The following TC2N variants were observed in gnomAD, a reference collection of about 807,000 sequenced individuals.
The protein encoded by TC2N is tandem C2 domains nuclear protein.
A neutral mutation model predicts 61.9 loss-of-function variants in TC2N; 51 were observed. The observed-to-expected ratio is 0.82, with a 90% CI of 0.66 to 1.04. The LOEUF (loss-of-function observed/expected upper bound fraction) is 1.04, where lower values mean the gene tolerates loss of function less well. Among genes scored for constraint, TC2N ranks in the 50% least tolerant of loss-of-function variants. The probability of loss-of-function intolerance (pLI) is 0.00; values close to 1 mark genes in which losing one functional copy is unlikely to be tolerated. For missense variants in TC2N, 556 were observed against 566.7 expected (o/e 0.98, Z 0.19); for synonymous variants, 204 against 192.6 (o/e 1.06, Z -0.49).
At chr14:91,802,753 A>C (rs996796334) in intron 3 of TC2N, among the ~76,000 whole-genome samples, 1 of 148,796 alleles carries the variant, frequency 6.7e-6, no homozygotes, top group Non-Finnish European at 1.5e-5. Flanking sequence ...TTGGGGGGGG[A>C]GATACATCCT....
chr14:91,815,478 C>T (rs1448588960), intron 1 of TC2N, among the ~76,000 whole-genome samples: 3 of 151,630 alleles, frequency 2.0e-5, no homozygotes, highest in African/African-American at 7.2e-5. Context: ...TTTACATTTA[C>T]CAGGAAATTA....
At chr14:91,788,344 GACT>G (rs1885466021) in intron 9 of TC2N, among the ~76,000 whole-genome samples, 1 of 152,190 alleles carries the variant, frequency 6.6e-6, no homozygotes, top group Non-Finnish European at 1.5e-5. Flanking sequence ...ACACAAGCCA[GACT>G]ACTTAGGTGG....
Position 91,781,816 on chromosome 14 carries a change from A to C in TC2N, c.*1284T>G, listed in dbSNP as rs1885145835. On this transcript the variant is annotated 3_prime_UTR_variant, in exon 12 of 12. Coordinates refer to ENST00000435962, the MANE Select transcript of TC2N (RefSeq NM_001128596.3). ...GATGGCACCTAGGGAAAAGAGAATT[A>C]AGTGTTTATTTGGGAAAATGTTAAT... 6.6e-6 allele frequency: 1 copy of C among 152,098 alleles called. No individual in the cohort carries two copies. The highest frequency in any genetic ancestry group is 1.5e-5 in the Non-Finnish European group (1 of 67,974). 9.4% of individuals were successfully genotyped at this position (152,098 alleles called of 1,614,324 possible).
intron 1 of TC2N, among the ~76,000 whole-genome samples, chr14:91,832,390 C>CA (rs33961348): frequency 0.045 from 6,177 of 136,340 alleles, 435 homozygotes; most frequent in African/African-American, 0.14. Flanking sequence ...AACTCCGTCT[C>CA]AAAAAAAAAA....
Position 91,839,704 on chromosome 14 carries a change from C to T in TC2N, c.-56-25879G>A, listed in dbSNP as rs140977085. The stretch of plus-strand genomic sequence containing the variant: ...GGGTACCAGACAGATTTTTGCTTCT[C>T]TCAAAATTATTTCCTTCCCATTTTC... On this transcript the variant is annotated intron_variant, in intron 1 of 11. Coordinates refer to ENST00000435962, the MANE Select transcript of TC2N (RefSeq NM_001128596.3). 1.7e-3 allele frequency among the ~76,000 whole-genome samples: 258 copies of T among 152,300 alleles called. 1 individual carries two copies. The highest frequency in any genetic ancestry group is 6.0e-3 in the African/African-American group (249 of 41,566).
intron 3 of TC2N, among the ~76,000 whole-genome samples, chr14:91,808,530 C>CATAA (rs1206566167): frequency 2.6e-5 from 4 of 152,198 alleles, no homozygotes; most frequent in Non-Finnish European, 5.9e-5. Flanking sequence ...CATTCACGTG[C>CATAA]ATACATACAT....
In TC2N at chr14:91,800,380, G is replaced by A. The variant is rs545195045; in HGVS notation, c.470-8C>T. ...TCGTCCTTAAATCACAAACTACAAA[G>A]GGATATGAGAAAAGTATATATTTTT... On this transcript the variant is annotated splice_polypyrimidine_tract_variant and splice_region_variant and intron_variant, in intron 4 of 11. Transcript: ENST00000435962. The A allele has an allele frequency of 2.8e-5, 43 of 1,519,192 alleles. No homozygotes were observed. In the South Asian group the frequency reaches 4.9e-4, roughly 17 times the overall value. The allele number at this position is 1,519,192 out of a possible 1,614,324, so 94.1% of individuals were successfully genotyped here.
At chr14:91,808,779 T>C (rs949760808) in intron 3 of TC2N, among the ~76,000 whole-genome samples, 1 of 152,146 alleles carries the variant, frequency 6.6e-6, no homozygotes, top group South Asian at 2.1e-4. Flanking sequence ...CTTACCTTTT[T>C]TCTGATTATG....
At chr14:91,804,931 T>G (rs1886436524) in intron 3 of TC2N, among the ~76,000 whole-genome samples, 1 of 152,246 alleles carries the variant, frequency 6.6e-6, no homozygotes, top group African/African-American at 2.4e-5. Flanking sequence ...TTCTGTTTTG[T>G]GCATTTTTCT....
chr14:91,843,860 G>A (rs1406154325), intron 1 of TC2N, among the ~76,000 whole-genome samples: 1 of 151,318 alleles, frequency 6.6e-6, no homozygotes, highest in Non-Finnish European at 1.5e-5. Flanking sequence ...GGAGGGAGGG[G>A]CTCAAAATGC....
chr14:91,847,723 C>T (rs528502665), intron 1 of TC2N, among the ~76,000 whole-genome samples: 1 of 152,330 alleles, frequency 6.6e-6, no homozygotes, highest in Non-Finnish European at 1.5e-5. Context: ...GCCCTGCCCA[C>T]ATTGCAGATT....
chr14:91,803,762 T>C (rs1366332844), intron 3 of TC2N, among the ~76,000 whole-genome samples: 5 of 152,208 alleles, frequency 3.3e-5, no homozygotes, highest in Non-Finnish European at 7.3e-5. Context: ...AGCCTAATCA[T>C]AGACATATTT....
At chr14:91,794,882 G>A (rs1885825252) in intron 8 of TC2N, among the ~76,000 whole-genome samples, 2 of 152,100 alleles carry the variant, frequency 1.3e-5, no homozygotes, top group South Asian at 2.1e-4. Context: ...TTCCTCTGAT[G>A]GACCTGGGCA....
intron 5 of TC2N, among the ~76,000 whole-genome samples, chr14:91,799,626 T>C (rs2139841891): frequency 6.6e-6 from 1 of 152,130 alleles, no homozygotes; most frequent in African/African-American, 2.4e-5. Context: ...AAAAGTTAAC[T>C]CACTTGAGGA....
At chr14:91,832,569 T>A (rs1595266147) in intron 1 of TC2N, among the ~76,000 whole-genome samples, 2 of 152,008 alleles carry the variant, frequency 1.3e-5, no homozygotes, top group African/African-American at 4.8e-5. Context: ...AGAAAAAAAA[T>A]TCAGGTAATT....
chr14:91,805,979 G>C (rs889281962), intron 3 of TC2N, among the ~76,000 whole-genome samples: 8 of 152,130 alleles, frequency 5.3e-5, no homozygotes, highest in African/African-American at 1.9e-4. Context: ...TTGTGGGAGA[G>C]ACCTGGTGGG....
At chr14:91,857,942 T>C (rs527405554) in intron 1 of TC2N, among the ~76,000 whole-genome samples, 1 of 151,690 alleles carries the variant, frequency 6.6e-6, no homozygotes, top group South Asian at 2.1e-4. Context: ...TTGAAGAATA[T>C]TTGGGTTTTT....
intron 9 of TC2N, among the ~76,000 whole-genome samples, chr14:91,791,960 C>CA (rs920930682): frequency 2.1e-4 from 31 of 150,544 alleles, no homozygotes; most frequent in South Asian, 1.7e-3. Context: ...ACTAAAAATA[C>CA]AAAAAAAAAT....
At chr14:91,826,315 G>C (rs573697326) in intron 1 of TC2N, among the ~76,000 whole-genome samples, 2 of 42,888 alleles carry the variant, frequency 4.7e-5, no homozygotes, top group Non-Finnish European at 9.0e-5. Context: ...GTGAGACCTT[G>C]TCTGAAAAAA....
Sources: allele counts gnomAD v4.1 joint callset (sites outside exome capture counted in the v4.1 genomes callset), GRCh38; gene constraint gnomAD v4.1.1; transcripts MANE v1.5; gene names NCBI Gene and HGNC (gene_info 2026-07-23, HGNC 2026-07-21).